The following GALNTL6 variants were observed in gnomAD, a reference collection of about 807,000 sequenced individuals.
The protein encoded by GALNTL6 is polypeptide N-acetylgalactosaminyltransferase-like 6.
A neutral mutation model predicts 73.7 loss-of-function variants in GALNTL6; 46 were observed. The ratio of observed to expected loss-of-function variants is 0.62; its 90% CI spans 0.49 to 0.80. The LOEUF is 0.80. Among genes scored for constraint, GALNTL6 ranks in the 30% least tolerant of loss-of-function variants. GALNTL6 has a pLI of 0.00. For synonymous variants in GALNTL6, 259 were observed against 263.7 expected (o/e 0.98, Z 0.17); for missense variants, 604 against 755.0 (o/e 0.80, Z 2.34).
chr4:172,197,497 A>G (rs1046760803), intron 2 of GALNTL6, among the ~76,000 whole-genome samples: 1 of 152,196 alleles, frequency 6.6e-6, no homozygotes, highest in Non-Finnish European at 1.5e-5. Context: ...ATCCTAAGCA[A>G]AAAGAACAAA....
intron 5 of GALNTL6, among the ~76,000 whole-genome samples, chr4:172,616,532 CTT>C (rs56070364): frequency 0.016 from 1,871 of 117,368 alleles, 32 homozygotes; most frequent in African/African-American, 0.056. Flanking sequence ...AATCCATACT[CTT>C]TTTTTTTTTT....
At chr4:172,264,636 A>ATG (rs1738388801) in intron 3 of GALNTL6, among the ~76,000 whole-genome samples, 1 of 141,858 alleles carries the variant, frequency 7.0e-6, no homozygotes, top group South Asian at 2.2e-4. Flanking sequence ...CATATATTAT[A>ATG]TGTGTATATA....
chr4:172,905,272 G>A (rs1038479272), intron 8 of GALNTL6, among the ~76,000 whole-genome samples: 2 of 152,110 alleles, frequency 1.3e-5, no homozygotes, highest in South Asian at 4.1e-4. Context: ...TATTTTAGCT[G>A]GAGAAATTGA....
chr4:172,657,708 G>C (rs2111168690), intron 5 of GALNTL6, among the ~76,000 whole-genome samples: 1 of 152,322 alleles, frequency 6.6e-6, no homozygotes, highest in South Asian at 2.1e-4. Flanking sequence ...AAAGTAGTCA[G>C]TAAAATTTGC....
chr4:172,131,359 A>C (rs1579168134), intron 2 of GALNTL6, among the ~76,000 whole-genome samples: 1 of 148,548 alleles, frequency 6.7e-6, no homozygotes, highest in Non-Finnish European at 1.5e-5. Flanking sequence ...CTTATGGTTC[A>C]TTTTGTTTAA....
chr4:171,958,575 A>G (rs17057754), intron 2 of GALNTL6, among the ~76,000 whole-genome samples: 63,089 of 152,030 alleles, frequency 0.41, 16,086 homozygotes, highest in Admixed American at 0.56. Flanking sequence ...AATTTTGTAC[A>G]ATTTCAATGG....
At chr4:171,876,123 A>G (rs988972918) in intron 2 of GALNTL6, among the ~76,000 whole-genome samples, 1 of 152,178 alleles carries the variant, frequency 6.6e-6, no homozygotes, top group African/African-American at 2.4e-5. Context: ...CTGTTCAATA[A>G]ACGGATTCTT....
intron 5 of GALNTL6, among the ~76,000 whole-genome samples, chr4:172,474,583 T>G (rs1233457205): frequency 6.6e-6 from 1 of 152,200 alleles, no homozygotes; most frequent in Non-Finnish European, 1.5e-5. Context: ...TGTGGTAAGA[T>G]GCTTCTTTTT....
chr4:171,814,534 G>C lies in GALNTL6; in HGVS notation c.-47G>C. The C allele has an allele frequency of 6.2e-7, 1 of 1,606,070 alleles. No individual in the cohort carries two copies. The highest frequency in any genetic ancestry group is 1.3e-5 in the African/African-American group (1 of 74,548). ...AATTTGACATTAAACACAAGAAGCA[G>C]TCAGGGAGCCATCTCCTTTAACTTT... On this transcript the variant is annotated 5_prime_UTR_variant, in exon 2 of 13. Coordinates refer to ENST00000506823, the MANE Select transcript of GALNTL6 (RefSeq NM_001034845.3).
At chr4:172,171,631 G>A (rs1216133694) in intron 2 of GALNTL6, among the ~76,000 whole-genome samples, 1 of 149,852 alleles carries the variant, frequency 6.7e-6, no homozygotes, top group Admixed American at 6.7e-5. Flanking sequence ...GAGTTCGAGA[G>A]CAGCCCAGGC....
At chr4:172,757,495 G>A (rs191510605) in intron 5 of GALNTL6, among the ~76,000 whole-genome samples, 1 of 152,254 alleles carries the variant, frequency 6.6e-6, no homozygotes, top group East Asian at 1.9e-4. Context: ...GGCTTAGAGG[G>A]ATTATAATAT....
intron 7 of GALNTL6, among the ~76,000 whole-genome samples, chr4:172,848,969 A>G (rs1038352387): frequency 9.2e-5 from 14 of 152,246 alleles, no homozygotes; most frequent in Middle Eastern, 3.4e-3. Flanking sequence ...TCATCATTAA[A>G]ATGGTCACTG....
chr4:172,270,565 C>T (rs1350916270), intron 3 of GALNTL6, among the ~76,000 whole-genome samples: 1 of 152,164 alleles, frequency 6.6e-6, no homozygotes, highest in Non-Finnish European at 1.5e-5. Flanking sequence ...TTATCACCTA[C>T]GGCTTCTCTG....
At chr4:173,016,372 A>G (rs927206902) in intron 11 of GALNTL6, among the ~76,000 whole-genome samples, 14 of 152,196 alleles carry the variant, frequency 9.2e-5, no homozygotes, top group Admixed American at 5.9e-4. Context: ...CAGGCACTCA[A>G]TGCCAGCCTG....
intron 2 of GALNTL6, among the ~76,000 whole-genome samples, chr4:172,006,176 C>G (rs1296885210): frequency 6.6e-6 from 1 of 152,160 alleles, no homozygotes; most frequent in Non-Finnish European, 1.5e-5. Flanking sequence ...ACAGAGGACA[C>G]GATTGAAATG....
intron 5 of GALNTL6, among the ~76,000 whole-genome samples, chr4:172,654,793 C>T (rs1254115329): frequency 6.6e-6 from 1 of 152,138 alleles, no homozygotes; most frequent in African/African-American, 2.4e-5. Context: ...TTTTCTTTTT[C>T]CTTCTTTGGC....
intron 3 of GALNTL6, among the ~76,000 whole-genome samples, chr4:172,245,666 G>A (rs1503687): frequency 0.01 from 1,524 of 152,248 alleles, 28 homozygotes; most frequent in African/African-American, 0.035. Flanking sequence ...AGAGATCCAA[G>A]TGAGTACTTG....
chr4:173,003,567 G>A (rs552986476), intron 10 of GALNTL6, among the ~76,000 whole-genome samples: 51 of 152,264 alleles, frequency 3.3e-4, no homozygotes, highest in South Asian at 1.9e-3. Context: ...CACTTGCAAC[G>A]TACAAACACT....
At chr4:172,828,383 G>A (rs544652646) in intron 7 of GALNTL6, among the ~76,000 whole-genome samples, 1 of 151,894 alleles carries the variant, frequency 6.6e-6, no homozygotes, top group South Asian at 2.1e-4. Context: ...CCCACAGGGA[G>A]GGAAACCTGC....
Sources: allele counts gnomAD v4.1 joint callset (sites outside exome capture counted in the v4.1 genomes callset), GRCh38; gene constraint gnomAD v4.1.1; transcripts MANE v1.5; gene names NCBI Gene and HGNC (gene_info 2026-07-23, HGNC 2026-07-21).